CAMTA1: variants seen among roughly 807,000 people sequenced by gnomAD.
CAMTA1 encodes the protein calmodulin-binding transcription activator 1.
Under a neutral mutation model 170.9 loss-of-function variants are expected in CAMTA1, and 27 were observed. The ratio of observed to expected loss-of-function variants is 0.16; its 90% CI spans 0.12 to 0.22. The LOEUF (loss-of-function observed/expected upper bound fraction) is 0.22. Ranked by LOEUF, CAMTA1 falls within the 10% of genes least tolerant of loss-of-function variation. The pLI is 1.00. For missense variants in CAMTA1, 1,619 were observed against 2,217.2 expected, an observed-to-expected ratio of 0.73 and a Z score of 5.42; for synonymous variants, 833 against 891.5, an observed-to-expected ratio of 0.93 and a Z score of 1.17.
At chr1:7,670,628 G>GAGTTA (rs1380284985) in intron 9 of CAMTA1, among the ~76,000 whole-genome samples, 1 of 152,194 alleles carries the variant, frequency 6.6e-6, no homozygotes, top group East Asian at 1.9e-4. Flanking sequence ...CTGGATCTGC[G>GAGTTA]AGTTACACAA....
chr1:7,042,378 G>A (rs953068613), intron 3 of CAMTA1, among the ~76,000 whole-genome samples: 13 of 152,262 alleles, frequency 8.5e-5, no homozygotes, highest in African/African-American at 2.6e-4. Context: ...TTCTTCTCTT[G>A]GCTGGGACTT....
At chr1:7,740,639 C>T (rs2096805079) in intron 16 of CAMTA1, among the ~76,000 whole-genome samples, 1 of 152,190 alleles carries the variant, frequency 6.6e-6, no homozygotes, top group Non-Finnish European at 1.5e-5. Flanking sequence ...CATGTGGAAT[C>T]GGGCACTTGA....
chr1:7,026,294 T>C (rs1446856748), intron 3 of CAMTA1, among the ~76,000 whole-genome samples: 1 of 152,114 alleles, frequency 6.6e-6, no homozygotes, highest in African/African-American at 2.4e-5. Flanking sequence ...GGGTAGTGGA[T>C]TGCTGCTCAG....
intron 3 of CAMTA1, among the ~76,000 whole-genome samples, chr1:6,902,074 A>ACACACACACACACACACAC (rs1553180447): frequency 1.3e-4 from 10 of 75,684 alleles, no homozygotes; most frequent in Admixed American, 4.3e-4. Context: ...CACACACACA[A>ACACACACACACACACACAC]AAAAAAAAAT....
intron 3 of CAMTA1, among the ~76,000 whole-genome samples, chr1:6,828,875 C>T (rs1648413090): frequency 1.4e-5 from 2 of 144,968 alleles, no homozygotes; most frequent in South Asian, 4.4e-4. Context: ...TACAGCAAGT[C>T]TATTCTGTAA....
At chr1:6,850,159 A>T (rs1327767744) in intron 3 of CAMTA1, among the ~76,000 whole-genome samples, 1 of 152,170 alleles carries the variant, frequency 6.6e-6, no homozygotes, top group Non-Finnish European at 1.5e-5. Flanking sequence ...GTGGGTCAAT[A>T]CTTACTTTGT....
chr1:7,120,613 T>C (rs941048385), intron 4 of CAMTA1, among the ~76,000 whole-genome samples: 6 of 152,186 alleles, frequency 3.9e-5, no homozygotes, highest in Non-Finnish European at 8.8e-5. Flanking sequence ...TCTGCCCACA[T>C]TTGGGGGCCA....
At chr1:7,187,229 A>C (rs1438527752) in intron 4 of CAMTA1, among the ~76,000 whole-genome samples, 2 of 152,160 alleles carry the variant, frequency 1.3e-5, no homozygotes, top group Non-Finnish European at 2.9e-5. Context: ...AGACTCAAGA[A>C]TCCTGACCAG....
chr1:7,546,921 T>C (rs1050301548), intron 6 of CAMTA1, among the ~76,000 whole-genome samples: 2 of 151,966 alleles, frequency 1.3e-5, no homozygotes, highest in Admixed American at 6.5e-5. Flanking sequence ...TTACTCATTT[T>C]CTGTTTGTAG....
At chr1:7,514,274 A>T (rs2094248037) in intron 6 of CAMTA1, among the ~76,000 whole-genome samples, 1 of 152,136 alleles carries the variant, frequency 6.6e-6, no homozygotes, top group Non-Finnish European at 1.5e-5. Context: ...TCCTAGCCAG[A>T]CCCCACCCCA....
At chr1:7,548,817 C>A (rs2094750574) in intron 6 of CAMTA1, among the ~76,000 whole-genome samples, 1 of 97,820 alleles carries the variant, frequency 1.0e-5, no homozygotes, top group Non-Finnish European at 2.3e-5. Flanking sequence ...GTGGAGGGCA[C>A]CCCTTAGGGG....
At position 7,129,028 on chromosome 1, in the gene CAMTA1, C is replaced by T. The variant is rs563326568; in HGVS notation, c.302+37657C>T. On this transcript the variant is annotated intron_variant, in intron 4 of 22. Coordinates refer to ENST00000303635, the MANE Select transcript of CAMTA1 (RefSeq NM_015215.4). Reference sequence around the variant, plus strand: ...CTAATTTTTGTATTTTTGGTAGAGACCACCTCACTATGTTGGACAGGCTGA... The same window carrying T: ...CTAATTTTTGTATTTTTGGTAGAGATCACCTCACTATGTTGGACAGGCTGA... Among the ~76,000 whole-genome samples, 40 of 151,830 alleles carry T rather than the reference C, an allele frequency of 2.6e-4. No homozygotes were observed. In the South Asian group the frequency reaches 4.6e-3, roughly 17 times the overall value.
chr1:7,270,710 G>T (rs1425735484), intron 5 of CAMTA1, among the ~76,000 whole-genome samples: 1 of 152,132 alleles, frequency 6.6e-6, no homozygotes, highest in Non-Finnish European at 1.5e-5. Flanking sequence ...GCTGGACACA[G>T]TTATGTGCTC....
chr1:7,646,167 T>A (rs1576574795), intron 7 of CAMTA1, among the ~76,000 whole-genome samples: 1 of 139,636 alleles, frequency 7.2e-6, no homozygotes, highest in African/African-American at 2.8e-5. Context: ...TGACTGCAGG[T>A]GGAGGCCATG....
chr1:6,787,624 A>G (rs745988396), intron 1 of CAMTA1, among the ~76,000 whole-genome samples: 2 of 152,182 alleles, frequency 1.3e-5, no homozygotes, highest in African/African-American at 2.4e-5. Context: ...GTTGTTGGTA[A>G]CTCTTCAGGC....
chr1:7,514,923 A>C (rs2094259111), intron 6 of CAMTA1, among the ~76,000 whole-genome samples: 1 of 152,102 alleles, frequency 6.6e-6, no homozygotes, highest in Admixed American at 6.5e-5. Flanking sequence ...CTAAAGAGCA[A>C]ATGTCTGTTC....
At chr1:7,501,357 A>G (rs1297912520) in intron 6 of CAMTA1, among the ~76,000 whole-genome samples, 2 of 152,150 alleles carry the variant, frequency 1.3e-5, no homozygotes, top group African/African-American at 4.8e-5. Context: ...TGTTCCCGGG[A>G]TCTCCGGACC....
chr1:6,815,641 T>C (rs1645707347), intron 1 of CAMTA1, among the ~76,000 whole-genome samples: 1 of 152,254 alleles, frequency 6.6e-6, no homozygotes, highest in Non-Finnish European at 1.5e-5. Flanking sequence ...TTAAATCTTC[T>C]AGGAATTAGT....
intron 5 of CAMTA1, among the ~76,000 whole-genome samples, chr1:7,301,815 A>G (rs2149555005): frequency 6.6e-6 from 1 of 152,154 alleles, no homozygotes; most frequent in South Asian, 2.1e-4. Context: ...AAGTGCTCTC[A>G]CTTCCTGCAG....
Sources: allele counts gnomAD v4.1 joint callset (sites outside exome capture counted in the v4.1 genomes callset), GRCh38; gene constraint gnomAD v4.1.1; transcripts MANE v1.5; gene names NCBI Gene and HGNC (gene_info 2026-07-23, HGNC 2026-07-21).